Variants in ANK1 observed in about 807,000 individuals in gnomAD.
ANK1 encodes the protein ankyrin 1.
Under a neutral mutation model 210.4 loss-of-function variants are expected in ANK1, and 51 were observed. The observed-to-expected ratio is 0.24, with a 90% CI of 0.19 to 0.31. ANK1 has a LOEUF of 0.31. Among genes scored for constraint, ANK1 ranks in the 10% least tolerant of loss-of-function variants. The probability of loss-of-function intolerance (pLI) is 1.00; values close to 1 mark genes in which losing one functional copy is unlikely to be tolerated. For synonymous variants in ANK1, 967 were observed against 1,025.9 expected, an observed-to-expected ratio of 0.94 and a Z score of 1.10; for missense variants, 2,051 against 2,504.4, an observed-to-expected ratio of 0.82 and a Z score of 3.86.
At chr8:41,744,969 T>C (rs1835733834) in intron 2 of ANK1, among the ~76,000 whole-genome samples, 1 of 152,174 alleles carries the variant, frequency 6.6e-6, no homozygotes, top group African/African-American at 2.4e-5. Flanking sequence ...TGAGGGCCTA[T>C]TCCAGATGGA....
In ANK1 at chr8:41,721,064, C is replaced by T. The variant is rs996694625; in HGVS notation, c.910-1206G>A. On this transcript the variant is annotated intron_variant, in intron 9 of 42. Transcript: ENST00000289734. ...GTTAGTGTTACAGGCTGAATTAGGT[C>T]CCACAAAATTCACATGCTGCAGTCT... 2.6e-5 allele frequency among the ~76,000 whole-genome samples: 4 copies of T among 152,090 alleles called. No individual in the cohort carries two copies. In the East Asian group the frequency reaches 7.7e-4, roughly 29 times the overall value.
intron 29 of ANK1, 30 bp from the exon 30 acceptor site, chr8:41,693,231 A>C: frequency 6.5e-7 from 1 of 1,528,890 alleles, no homozygotes; most frequent in Non-Finnish European, 9.1e-7. Context: ...GGGGCTGGGG[A>C]CAGTCTTCAG....
At chr8:41,733,405 T>C (rs1832695034) in intron 3 of ANK1, among the ~76,000 whole-genome samples, 1 of 152,252 alleles carries the variant, frequency 6.6e-6, no homozygotes, top group South Asian at 2.1e-4. Flanking sequence ...TATTGATTCC[T>C]TACTACAGGA....
At chr8:41,869,583 TA>T (rs1201909716) in intron 1 of ANK1, among the ~76,000 whole-genome samples, 1 of 151,636 alleles carries the variant, frequency 6.6e-6, no homozygotes, top group South Asian at 2.1e-4. Flanking sequence ...ATCTAAAATT[TA>T]AAAAAAAGAA....
intron 35 of ANK1, among the ~76,000 whole-genome samples, chr8:41,686,695 G>A (rs1452902689): frequency 1.3e-5 from 2 of 152,146 alleles, no homozygotes; most frequent in Non-Finnish European, 2.9e-5. Flanking sequence ...CACTGCCTGG[G>A]CCACGCCATG....
At chr8:41,693,855 C>T (rs1185924863) in intron 29 of ANK1, 43 bp downstream of exon 29, 2 of 1,563,798 alleles carry the variant, frequency 1.3e-6, no homozygotes, top group Admixed American at 1.9e-5. Context: ...TCCAGACGCA[C>T]TGCAGCAGCC....
intron 1 of ANK1, among the ~76,000 whole-genome samples, chr8:41,819,518 T>C (rs1803857661): frequency 6.6e-6 from 1 of 152,224 alleles, no homozygotes; most frequent in Non-Finnish European, 1.5e-5. Flanking sequence ...CCAGCCTCCC[T>C]TGGACACATG....
intron 6 of ANK1, among the ~76,000 whole-genome samples, chr8:41,725,504 T>C (rs1045290748): frequency 6.6e-6 from 1 of 152,124 alleles, no homozygotes; most frequent in Non-Finnish European, 1.5e-5. Context: ...CCTGCCCGCC[T>C]GGACACATTT....
At chr8:41,767,224 G>C (rs1471725312) in intron 1 of ANK1, among the ~76,000 whole-genome samples, 1 of 152,070 alleles carries the variant, frequency 6.6e-6, no homozygotes, top group East Asian at 1.9e-4. Context: ...AGTTGGCGCC[G>C]GGCAGCCGGG....
At chr8:41,885,139 A>G (rs187998235) in intron 1 of ANK1, among the ~76,000 whole-genome samples, 5 of 152,288 alleles carry the variant, frequency 3.3e-5, no homozygotes, top group Admixed American at 2.6e-4. Context: ...CAGGGATGCA[A>G]TGGAGACTCC....
At chr8:41,714,847 G>A (rs984828145) in intron 15 of ANK1, 129 bp downstream of exon 15, 19 of 973,668 alleles carry the variant, frequency 2.0e-5, no homozygotes, top group African/African-American at 8.0e-5. Context: ...GCAACAGAGC[G>A]AGACCCTGTC....
upstream of ANK1, among the ~76,000 whole-genome samples, chr8:41,800,726 T>TTTTG (rs370461173): frequency 6.6e-6 from 1 of 152,152 alleles, no homozygotes; most frequent in Non-Finnish European, 1.5e-5. Flanking sequence ...GTTGTATGAT[T>TTTTG]TTTGTTTGTT....
chr8:41,703,924 G>T (rs1053245004), intron 20 of ANK1, 117 bp downstream of exon 20: 2 of 925,676 alleles, frequency 2.2e-6, no homozygotes, highest in Admixed American at 1.8e-5. Context: ...GCTTTAGGGT[G>T]CTGCGGCCCC....
upstream of ANK1, chr8:41,797,707 C>G: frequency 9.2e-7 from 1 of 1,085,592 alleles, no homozygotes; most frequent in African/African-American, 1.7e-5. The surrounding 1 kb of genome is among the most constrained non-coding windows in gnomAD (Gnocchi z 4.0). Context: ...GCTCCCGGCA[C>G]GGGCGGGCGG....
chr8:41,764,494 A>G (rs1455779222), intron 1 of ANK1, among the ~76,000 whole-genome samples: 1 of 152,208 alleles, frequency 6.6e-6, no homozygotes, highest in Non-Finnish European at 1.5e-5. Flanking sequence ...GGCTATGACA[A>G]ACCGGAGCAG....
chr8:41,776,108 A>G (rs554497728), intron 1 of ANK1, among the ~76,000 whole-genome samples: 1 of 152,302 alleles, frequency 6.6e-6, no homozygotes, highest in Admixed American at 6.5e-5. Flanking sequence ...GAAACACAGT[A>G]AAGGGGCTGG....
intron 2 of ANK1, among the ~76,000 whole-genome samples, chr8:41,740,403 A>G (rs1204755104): frequency 6.6e-6 from 1 of 151,474 alleles, no homozygotes. Flanking sequence ...TAGGTAGTCT[A>G]CCCGTCTCGG....
rs1305329389 is a variant in ANK1 at position 41,694,543 on chromosome 8, C to T, written c.3327+49G>A. The T allele has an allele frequency of 6.4e-7, 1 of 1,574,714 alleles. No homozygotes were observed. The highest frequency in any genetic ancestry group is 8.7e-7 in the Non-Finnish European group (1 of 1,152,728). On this transcript the variant is annotated intron_variant, in intron 28 of 42. Coordinates refer to ENST00000289734, the MANE Select transcript of ANK1 (RefSeq NM_000037.4). The surrounding 1 kb of genome is among the most constrained non-coding windows in gnomAD (Gnocchi z 5.7). ...GGGAAGAGGGTGGCCTTCCCGGAGG[C>T]CTGGAGTTCAGTCCACCCCCAGGAC...
At position 41,715,667 on chromosome 8, in the gene ANK1, C is replaced by T. The variant is rs749807561; in HGVS notation, c.1587G>A (p.Gln529=). Residue 529 remains glutamine (Q), a synonymous_variant, in exon 14 of 43, where the codon CAG becomes CAA. Coordinates refer to ENST00000289734, the MANE Select transcript of ANK1 (RefSeq NM_000037.4). The part of the protein sequence containing the change: ...VLALLEKEAS[Q]ACMTKKGFTP... ...GAGGCTGTACCTTGGTCATGCAGGC[C>T]TGGGATGCTTCCTTTTCCAGAAGGG... The T allele has an allele frequency of 1.9e-6, 3 of 1,613,606 alleles. No homozygotes were observed. Among genetic ancestry groups the T allele is most frequent in the Admixed American group, 3.3e-5 (2 of 60,028 alleles).
Sources: gnomAD v4.1 joint callset for allele counts (sites outside exome capture counted in the v4.1 genomes callset) on GRCh38, gnomAD v4.1.1 for gene constraint, Gnocchi (gnomAD v3.1) non-coding constraint, MANE v1.5 for transcripts, NCBI Gene and HGNC (gene_info 2026-07-23, HGNC 2026-07-21) for gene names.